The following VPS8 variants were observed in gnomAD, a reference collection of about 807,000 sequenced individuals.
VPS8 encodes VPS8 subunit of CORVET complex.
A neutral mutation model predicts 216.4 loss-of-function variants in VPS8; 129 were observed. That is an observed-to-expected ratio of 0.60 (90% CI 0.52 to 0.69). The LOEUF (loss-of-function observed/expected upper bound fraction) is 0.69, where lower values mean the gene tolerates loss of function less well. Among genes scored for constraint, VPS8 ranks in the 30% least tolerant of loss-of-function variants. The probability of loss-of-function intolerance (pLI) is 0.00; values close to 1 mark genes in which losing one functional copy is unlikely to be tolerated. For missense variants in VPS8, 1,531 were observed against 1,683.5 expected, an observed-to-expected ratio of 0.91 and a Z score of 1.59; for synonymous variants, 571 against 565.4, an observed-to-expected ratio of 1.01 and a Z score of -0.14.
At chr3:184,973,724 G>A (rs1254139173) in intron 40 of VPS8, among the ~76,000 whole-genome samples, 1 of 151,922 alleles carries the variant, frequency 6.6e-6, no homozygotes, top group Admixed American at 6.6e-5. Flanking sequence ...CCAGTTTCTG[G>A]TAACCATTCT....
intron 36 of VPS8, 115 bp from the exon 37 acceptor site, chr3:184,957,259 G>C: frequency 9.3e-7 from 1 of 1,077,876 alleles, no homozygotes; most frequent in South Asian, 1.7e-5. Context: ...ATTTTTATCT[G>C]ACCAGCAGGT....
chr3:184,814,173 A>G (rs1383254950), intron 1 of VPS8, among the ~76,000 whole-genome samples: 2 of 152,240 alleles, frequency 1.3e-5, no homozygotes, highest in African/African-American at 4.8e-5. Flanking sequence ...CAGAAAATTC[A>G]AATGGGCTTA....
chr3:185,040,165 C>A (rs1003857379), intron 46 of VPS8, among the ~76,000 whole-genome samples: 1 of 152,176 alleles, frequency 6.6e-6, no homozygotes, highest in Non-Finnish European at 1.5e-5. Context: ...CAAACACCTC[C>A]ATTAGGCCCC....
intron 28 of VPS8, among the ~76,000 whole-genome samples, 154 bp from the exon 29 acceptor site, chr3:184,919,973 T>C (rs549719884): frequency 6.6e-6 from 1 of 152,148 alleles, no homozygotes; most frequent in Non-Finnish European, 1.5e-5. Context: ...TCACTAAAAA[T>C]AATGTCACGC....
chr3:184,843,697 T>C (rs755598682), intron 8 of VPS8, among the ~76,000 whole-genome samples: 5 of 152,226 alleles, frequency 3.3e-5, no homozygotes, highest in Non-Finnish European at 5.9e-5. Flanking sequence ...TCTTTTCCTG[T>C]TATATTATGA....
At chr3:184,876,924 C>G (rs1729375393) in intron 21 of VPS8, among the ~76,000 whole-genome samples, 1 of 152,094 alleles carries the variant, frequency 6.6e-6, no homozygotes, top group Non-Finnish European at 1.5e-5. Flanking sequence ...TGATGCTTTC[C>G]TAATTTTAAA....
At chr3:185,032,144 A>G (rs138958045) in intron 46 of VPS8, among the ~76,000 whole-genome samples, 1 of 152,130 alleles carries the variant, frequency 6.6e-6, no homozygotes, top group African/African-American at 2.4e-5. Flanking sequence ...AGCCTGGACA[A>G]CAGAGCGAGA....
chr3:185,021,796 G>C (rs1430170824), intron 45 of VPS8, among the ~76,000 whole-genome samples: 2 of 152,142 alleles, frequency 1.3e-5, no homozygotes, highest in Admixed American at 1.3e-4. Flanking sequence ...TAGCGATGGC[G>C]ACAGTGATAG....
chr3:184,836,814 A>G (rs905937246), intron 5 of VPS8, among the ~76,000 whole-genome samples: 1 of 152,208 alleles, frequency 6.6e-6, no homozygotes, highest in African/African-American at 2.4e-5. Context: ...TTTGGGATTC[A>G]TGCATGGAAA....
At chr3:184,936,381 A>G (rs749355390) in intron 35 of VPS8, 46 bp downstream of exon 35, 1 of 1,461,758 alleles carries the variant, frequency 6.8e-7, no homozygotes, top group South Asian at 1.2e-5. Flanking sequence ...TAGTGGAAAG[A>G]CAATTATTAA....
At chr3:184,847,861 C>A (rs1383607242) in intron 8 of VPS8, among the ~76,000 whole-genome samples, 4 of 152,146 alleles carry the variant, frequency 2.6e-5, no homozygotes, top group Non-Finnish European at 5.9e-5. Flanking sequence ...TCACCCTTAA[C>A]AAACTTAATC....
rs58249907 is a variant in VPS8 at position 184,815,481 on chromosome 3, G to A, written c.-89+3256G>A. 4.5e-3 allele frequency among the ~76,000 whole-genome samples: 683 copies of A among 152,164 alleles called. 7 individuals are homozygous for A. The highest frequency in any genetic ancestry group is 0.015 in the African/African-American group (636 of 41,502). ...ATGTGGTCTGTCGTTGACCCAAAAC[G>A]TCTTTTTGGGGCACATGACTGTATA... On this transcript the variant is annotated intron_variant, in intron 1 of 47. Transcript: ENST00000625842.
At chr3:184,813,565 A>G (rs1715643334) in intron 1 of VPS8, among the ~76,000 whole-genome samples, 1 of 152,358 alleles carries the variant, frequency 6.6e-6, no homozygotes. Context: ...AGAATATGCA[A>G]TAAAGATAAA....
chr3:184,908,905 G>T (rs1735977942), intron 25 of VPS8, among the ~76,000 whole-genome samples: 1 of 152,186 alleles, frequency 6.6e-6, no homozygotes, highest in Non-Finnish European at 1.5e-5. Flanking sequence ...TATTGGAAAA[G>T]GCAACATTCG....
At chr3:184,826,286 T>G in intron 3 of VPS8, 55 bp downstream of exon 3, 6 of 1,463,570 alleles carry the variant, frequency 4.1e-6, no homozygotes, top group Non-Finnish European at 4.7e-6. Context: ...ATCTTAATAC[T>G]TTTTGGATTA....
At chr3:184,939,029 C>CAAA (rs201525906) in intron 35 of VPS8, among the ~76,000 whole-genome samples, 1 of 53,448 alleles carries the variant, frequency 1.9e-5, no homozygotes, top group African/African-American at 6.1e-5. Context: ...GACCCTGTCT[C>CAAA]AAAAAAAAAA....
chr3:184,859,816 A>AT (rs1050421440), intron 14 of VPS8, among the ~76,000 whole-genome samples, 169 bp from the exon 15 acceptor site: 5 of 151,938 alleles, frequency 3.3e-5, no homozygotes, highest in African/African-American at 9.7e-5. Flanking sequence ...GGAACAAATA[A>AT]TTTTTTTTCT....
intron 45 of VPS8, among the ~76,000 whole-genome samples, chr3:185,007,946 A>G (rs1335620909): frequency 6.6e-6 from 1 of 152,126 alleles, no homozygotes; most frequent in African/African-American, 2.4e-5. Context: ...ATTTAATGAA[A>G]TAGGAACAGT....
intron 40 of VPS8, among the ~76,000 whole-genome samples, chr3:184,972,498 G>A (rs1242812486): frequency 6.6e-6 from 1 of 152,178 alleles, no homozygotes. Context: ...TCTCAACCTT[G>A]GTTGCACACT....
Sources: gnomAD v4.1 joint callset for allele counts (sites outside exome capture counted in the v4.1 genomes callset) on GRCh38, gnomAD v4.1.1 for gene constraint, MANE v1.5 for transcripts, NCBI Gene and HGNC (gene_info 2026-07-23, HGNC 2026-07-21) for gene names.